Variants in HTR7 observed in about 807,000 individuals in gnomAD.
HTR7 encodes the protein 5-HT-7.
HTR7 carries 16 observed loss-of-function variants against 34.0 expected under a neutral mutation model. The observed-to-expected ratio is 0.47, with a 90% CI of 0.32 to 0.71. The LOEUF (loss-of-function observed/expected upper bound fraction) is 0.71, where lower values mean the gene tolerates loss of function less well. Among genes scored for constraint, HTR7 ranks in the 30% least tolerant of loss-of-function variants. The pLI is 0.04. For synonymous variants in HTR7, 265 were observed against 260.2 expected (o/e 1.02, Z -0.18); for missense variants, 504 against 625.5 (o/e 0.81, Z 2.07).
At chr10:90,793,676 G>T (rs1589452537) in intron 1 of HTR7, among the ~76,000 whole-genome samples, 1 of 152,132 alleles carries the variant, frequency 6.6e-6, no homozygotes, top group Admixed American at 6.6e-5. Context: ...TTATTAAGGA[G>T]TATTGACACA....
chr10:90,766,133 A>G (rs1247078116), intron 1 of HTR7, among the ~76,000 whole-genome samples: 1 of 152,118 alleles, frequency 6.6e-6, no homozygotes, highest in African/African-American at 2.4e-5. Flanking sequence ...GTCCCCTACT[A>G]TTATTGTATT....
intron 1 of HTR7, among the ~76,000 whole-genome samples, chr10:90,773,945 A>G (rs1845163065): frequency 6.6e-6 from 1 of 152,152 alleles, no homozygotes; most frequent in African/African-American, 2.4e-5. Context: ...TTTTACAGCA[A>G]TTGAAAATAA....
chr10:90,750,713 A>C (rs528278487), intron 1 of HTR7, among the ~76,000 whole-genome samples: 1 of 152,350 alleles, frequency 6.6e-6, no homozygotes, highest in African/African-American at 2.4e-5. Flanking sequence ...AGAACTCAAA[A>C]AACAATTTCT....
intron 3 of HTR7, among the ~76,000 whole-genome samples, chr10:90,743,311 C>T (rs1184338852): frequency 1.3e-5 from 2 of 152,198 alleles, no homozygotes; most frequent in Non-Finnish European, 2.9e-5. Flanking sequence ...TTGCTGGAGA[C>T]ATGGTTTCTA....
At chr10:90,775,904 T>C (rs1019254809) in intron 1 of HTR7, among the ~76,000 whole-genome samples, 1 of 152,208 alleles carries the variant, frequency 6.6e-6, no homozygotes, top group Non-Finnish European at 1.5e-5. Context: ...TATGTGTATT[T>C]TGAAGTTTCT....
chr10:90,811,595 T>C (rs1845810442), intron 1 of HTR7, among the ~76,000 whole-genome samples: 2 of 152,096 alleles, frequency 1.3e-5, no homozygotes, highest in South Asian at 2.1e-4. Flanking sequence ...TTCCTTTCCA[T>C]TGTGGAAATC....
chr10:90,838,897 A>T (rs1319690167), intron 1 of HTR7, among the ~76,000 whole-genome samples: 1 of 152,040 alleles, frequency 6.6e-6, no homozygotes, highest in Non-Finnish European at 1.5e-5. Context: ...TAACAAATTA[A>T]TGTGTGTGTG....
At chr10:90,759,187 C>CAA (rs35551588) in intron 1 of HTR7, among the ~76,000 whole-genome samples, 3 of 119,600 alleles carry the variant, frequency 2.5e-5, no homozygotes, top group Non-Finnish European at 1.8e-5. Flanking sequence ...AACTCTGTCT[C>CAA]AAAAAAAAAA....
intron 1 of HTR7, among the ~76,000 whole-genome samples, chr10:90,776,189 C>T (rs534844062): frequency 2.1e-4 from 32 of 152,258 alleles, no homozygotes; most frequent in Admixed American, 6.5e-4. Context: ...TCTACCTGCT[C>T]TTTGTTCCCC....
intron 1 of HTR7, among the ~76,000 whole-genome samples, chr10:90,803,018 T>TTG (rs397845917): frequency 1.4e-5 from 2 of 146,732 alleles, no homozygotes; most frequent in Non-Finnish European, 3.0e-5. Flanking sequence ...TTTTTTTTTT[T>TTG]GCTGTCTTTG....
intron 1 of HTR7, among the ~76,000 whole-genome samples, chr10:90,820,159 G>C (rs189898745): frequency 1.1e-4 from 17 of 152,310 alleles, no homozygotes; most frequent in African/African-American, 4.1e-4. Flanking sequence ...CAGTCTTTAG[G>C]CTGTGAAAGG....
intron 1 of HTR7, among the ~76,000 whole-genome samples, chr10:90,816,879 A>G (rs774845772): frequency 2.0e-5 from 3 of 152,180 alleles, no homozygotes; most frequent in Non-Finnish European, 4.4e-5. Flanking sequence ...CCTACAAATA[A>G]CCTGGCCTTT....
chr10:90,794,793 A>T (rs527329165), intron 1 of HTR7, among the ~76,000 whole-genome samples: 21 of 152,264 alleles, frequency 1.4e-4, no homozygotes, highest in African/African-American at 4.6e-4. Context: ...GAACCACTGC[A>T]CCCAGCCTAT....
At chr10:90,847,671 G>C (rs1331374881) in intron 1 of HTR7, among the ~76,000 whole-genome samples, 1 of 152,176 alleles carries the variant, frequency 6.6e-6, no homozygotes, top group African/African-American at 2.4e-5. Flanking sequence ...ACCAATCAGA[G>C]CTAAATATTA....
chr10:90,830,176 A>G (rs1340722564), intron 1 of HTR7, among the ~76,000 whole-genome samples: 6 of 152,256 alleles, frequency 3.9e-5, no homozygotes, highest in Admixed American at 6.5e-5. Context: ...ATACCATTCA[A>G]TAATTGTTAC....
chr10:90,781,425 A>G (rs1322314572), intron 1 of HTR7, among the ~76,000 whole-genome samples: 3 of 152,220 alleles, frequency 2.0e-5, no homozygotes, highest in Non-Finnish European at 4.4e-5. Flanking sequence ...AAGAGAAAAA[A>G]AGTCTTTCAG....
chr10:90,834,677 C>T (rs532735309), intron 1 of HTR7, among the ~76,000 whole-genome samples: 1 of 152,238 alleles, frequency 6.6e-6, no homozygotes, highest in South Asian at 2.1e-4. Context: ...ATGGGTCTCT[C>T]ATTGTCCAAT....
At chr10:90,754,820 CTAGG>C (rs1325242930) in intron 1 of HTR7, among the ~76,000 whole-genome samples, 1 of 152,170 alleles carries the variant, frequency 6.6e-6, no homozygotes, top group African/African-American at 2.4e-5. Flanking sequence ...GTAAAAGAAA[CTAGG>C]TAGAATTATT....
In HTR7 at chr10:90,857,856, G is replaced by A. The variant is rs1846620981; in HGVS notation, c.-185C>T. Among the ~76,000 whole-genome samples, 2 of 151,504 alleles carry A rather than the reference G, an allele frequency of 1.3e-5. No individual in the cohort carries two copies. The highest frequency in any genetic ancestry group is 4.8e-5 in the African/African-American group (2 of 41,380). On this transcript the variant is annotated 5_prime_UTR_variant, in exon 1 of 4. Transcript: ENST00000336152. The surrounding 1 kb of genome is among the most constrained non-coding windows in gnomAD (Gnocchi z 6.5). The stretch of plus-strand genomic sequence containing the variant: ...ACTCCCCGGACCCCCGGCCGCTGCG[G>A]GTAACGCGGCAGCGCGGCCTCACGG...
Sources: gnomAD v4.1 joint callset for allele counts (sites outside exome capture counted in the v4.1 genomes callset) on GRCh38, gnomAD v4.1.1 for gene constraint, Gnocchi (gnomAD v3.1) non-coding constraint, MANE v1.5 for transcripts, NCBI Gene and HGNC (gene_info 2026-07-23, HGNC 2026-07-21) for gene names.